RAF1: variants seen among roughly 807,000 people sequenced by gnomAD.
The protein encoded by RAF1 is Raf-1 proto-oncogene, serine/threonine kinase.
A neutral mutation model predicts 81.1 loss-of-function variants in RAF1; 27 were observed. That is an observed-to-expected ratio of 0.33 (90% CI 0.25 to 0.46). RAF1 has a LOEUF of 0.46. RAF1 is among the 20% of genes least tolerant of loss of function. The pLI is 1.00. For missense variants in RAF1, 598 were observed against 826.0 expected (o/e 0.72, Z 3.38); for synonymous variants, 298 against 294.0 (o/e 1.01, Z -0.14).
intron 11 of RAF1, chr3:12,592,011 T>C: frequency 1.7e-6 from 1 of 582,724 alleles, no homozygotes; most frequent in Non-Finnish European, 3.1e-6. Context: ...CTCCAGGGCT[T>C]AAGCAATCCT....
chr3:12,585,248 T>C lies in RAF1; in HGVS notation c.1602A>G (p.Pro534=). The change falls in exon 16 of 18, where the codon CCA becomes CCG. Residue 534 remains proline, a synonymous_variant. Coordinates refer to ENST00000442415, the MANE Select transcript of RAF1 (RefSeq NM_001354689.3). ...TGTTATCCTGCATTCGGATCACCTCTGGGGCCTACATGTATCACCATATGA... is the reference window on the plus strand; with the variant it reads ...TGTTATCCTGCATTCGGATCACCTCCGGGGCCTACATGTATCACCATATGA... 6.2e-7 allele frequency: 1 copy of C among 1,614,152 alleles called. No homozygotes were observed.
chr3:12,599,831 T>C (rs199872544), intron 10 of RAF1, 23 bp from the exon 10 acceptor site: 3 of 1,533,132 alleles, frequency 2.0e-6, no homozygotes, highest in East Asian at 2.2e-5. Context: ...GAGATCATTA[T>C]TATACTCCAT....
At chr3:12,643,262 T>G (rs1006446067) in intron 1 of RAF1, among the ~76,000 whole-genome samples, 1 of 152,160 alleles carries the variant, frequency 6.6e-6, no homozygotes, top group Non-Finnish European at 1.5e-5. Context: ...TCCAGAGAGC[T>G]TGCAGAGTTC....
rs2060965234 is a variant in RAF1, at chr3:12,663,877, C to G, written c.-91G>C. 2.5e-6 allele frequency: 1 copy of G among 397,964 alleles called. No individual in the cohort carries two copies. Among genetic ancestry groups the G allele is most frequent in the African/African-American group, 2.1e-5 (1 of 48,622 alleles). The allele number at this position is 397,964 out of a possible 1,614,324, so 24.7% of individuals were successfully genotyped here. A position where few individuals can be genotyped will look rare whatever the true frequency, so the allele number is the denominator to read the frequency against. On this transcript the variant is annotated 5_prime_UTR_variant, in exon 1 of 18. Transcript: ENST00000442415. ...GGCAGCTTCTCGCCCGCTCCTCCTC[C>G]CCGCGGCGGGTGAGGGAGCGGGAGG...
chr3:12,627,401 T>C (rs1030091134), intron 1 of RAF1, among the ~76,000 whole-genome samples: 1 of 152,216 alleles, frequency 6.6e-6, no homozygotes, highest in Non-Finnish European at 1.5e-5. Flanking sequence ...CTACTCTGTT[T>C]TGCCTTCCTC....
chr3:12,592,731 C>CT (rs35189562), intron 11 of RAF1, among the ~76,000 whole-genome samples: 2,079 of 107,196 alleles, frequency 0.019, 94 homozygotes, highest in African/African-American at 0.052. Flanking sequence ...TTAAAAGCCA[C>CT]TTTTTTTTTT....
intron 15 of RAF1, 89 bp downstream of exon 14, chr3:12,585,592 T>G (rs2058306825): frequency 1.4e-6 from 2 of 1,394,014 alleles, no homozygotes; most frequent in Non-Finnish European, 2.0e-6. Context: ...CGGGGAAATG[T>G]ACAGAAACGC....
At chr3:12,593,399 G>A (rs1351256474) in intron 11 of RAF1, among the ~76,000 whole-genome samples, 1 of 143,032 alleles carries the variant, frequency 7.0e-6, no homozygotes, top group African/African-American at 2.5e-5. Context: ...TTCATTTTTG[G>A]GAAGAAAATT....
Position 12,644,346 on chromosome 3 carries a change from G to A in RAF1, c.-27+19467C>T, listed in dbSNP as rs147836508. 2.6e-5 allele frequency among the ~76,000 whole-genome samples: 4 copies of A among 152,290 alleles called. No homozygotes were observed. The East Asian group carries it at 7.7e-4, about 29-fold the overall frequency. On this transcript the variant is annotated intron_variant, in intron 1 of 17. Transcript: ENST00000442415. ...ATTTTATCAACGTCTAGAGAAGTAA[G>A]CCAAACTAGAACACCCACTTAAGTT... is the stretch of plus-strand genomic sequence containing the variant.
intron 11 of RAF1, among the ~76,000 whole-genome samples, chr3:12,596,566 G>C (rs1032692560): frequency 1.3e-5 from 2 of 152,136 alleles, no homozygotes; most frequent in African/African-American, 4.8e-5. Flanking sequence ...AAATAAATAT[G>C]TTGAGTTTTA....
chr3:12,610,348 T>C (rs1466106477), intron 3 of RAF1, among the ~76,000 whole-genome samples: 1 of 152,234 alleles, frequency 6.6e-6, no homozygotes, highest in African/African-American at 2.4e-5. Context: ...GAAAACTTCC[T>C]ATAACTCCAA....
intron 2 of RAF1, among the ~76,000 whole-genome samples, chr3:12,614,749 A>G (rs767293431): frequency 1.3e-5 from 2 of 152,136 alleles, no homozygotes; most frequent in Admixed American, 6.6e-5. Flanking sequence ...TAATGTTCCA[A>G]AATAAGTTTA....
At chr3:12,586,313 A>G (rs1330335164) in intron 14 of RAF1, among the ~76,000 whole-genome samples, 2 of 152,230 alleles carry the variant, frequency 1.3e-5, no homozygotes, top group Non-Finnish European at 2.9e-5. Flanking sequence ...CCTCACTAGA[A>G]TCGGTACCAC....
Position 12,654,602 on chromosome 3 carries a change from T to C in RAF1, c.-27+9211A>G, listed in dbSNP as rs141899800. 4.8e-3 allele frequency among the ~76,000 whole-genome samples: 714 copies of C among 149,728 alleles called. 7 individuals are homozygous for C. The highest frequency in any genetic ancestry group is 0.016 in the African/African-American group (663 of 40,936). ...GGGCAATGGAGTGAGACTGTGTCAC[T>C]CACAACACAAAAAAAGGGTATGAGT... On this transcript the variant is annotated intron_variant, in intron 1 of 17. Coordinates refer to ENST00000442415, the MANE Select transcript of RAF1 (RefSeq NM_001354689.3).
chr3:12,591,936 T>C, intron 11 of RAF1, 144 bp from the exon 11 acceptor site: 1 of 731,812 alleles, frequency 1.4e-6, no homozygotes, highest in South Asian at 1.5e-5. Flanking sequence ...TTTTTTTTTT[T>C]TTTTTGAGAC....
chr3:12,591,643 T>C, intron 12 of RAF1, 65 bp downstream of exon 11: 1 of 1,426,400 alleles, frequency 7.0e-7, no homozygotes, highest in Non-Finnish European at 9.9e-7. Flanking sequence ...GTCCACTAAC[T>C]CTACAGTCCT....
intron 16 of RAF1, 42 bp downstream of exon 15, chr3:12,585,080 G>A (rs2058285796): frequency 6.2e-7 from 1 of 1,613,932 alleles, no homozygotes. Context: ...GAGGCCCAGG[G>A]GCTCCCACGA....
rs2060478386 is a variant in RAF1, at chr3:12,650,171, A to AG, written c.-27+13641_-27+13642insC. On this transcript the variant is annotated intron_variant, in intron 1 of 17. Transcript: ENST00000442415. ...AAAAAAAAAAAAAAAAAAAAAAAAAAAAATTTAATCAGGCATGGTAGTCAT... is the reference window on the plus strand; with the variant it reads ...AAAAAAAAAAAAAAAAAAAAAAAAAAGAAATTTAATCAGGCATGGTAGTCAT... Among the ~76,000 whole-genome samples, 3 of 144,048 alleles carry AG rather than the reference A, an allele frequency of 2.1e-5. No individual in the cohort carries two copies. In the Admixed American group the frequency reaches 2.1e-4, roughly 10 times the overall value. 94.5% of individuals were successfully genotyped at this position (144,048 alleles called of 152,430 possible). A position where few individuals can be genotyped will look rare whatever the true frequency, so the allele number is the denominator to read the frequency against.
intron 3 of RAF1, 121 bp from the exon 4 acceptor site, chr3:12,609,456 T>C: frequency 1.4e-6 from 1 of 691,222 alleles, no homozygotes; most frequent in Non-Finnish European, 2.6e-6. Flanking sequence ...CATACAACAA[T>C]AATTTATTTA....
Sources: allele counts gnomAD v4.1 joint callset (sites outside exome capture counted in the v4.1 genomes callset), GRCh38; gene constraint gnomAD v4.1.1; transcripts MANE v1.5; gene names NCBI Gene and HGNC (gene_info 2026-07-23, HGNC 2026-07-21).